MSRA: variants seen among roughly 807,000 people sequenced by gnomAD.
MSRA encodes methionine sulfoxide reductase A, also known as mitochondrial peptide methionine sulfoxide reductase.
MSRA carries 54 observed loss-of-function variants against 31.3 expected under a neutral mutation model. The observed-to-expected ratio is 1.73, with a 90% CI of 1.39 to 2.17. MSRA has a LOEUF of 2.17. MSRA is among the 30% of genes most tolerant of loss of function. The probability of loss-of-function intolerance (pLI) is 0.00; values close to 1 mark genes in which losing one functional copy is unlikely to be tolerated. For missense variants in MSRA, 507 were observed against 300.9 expected (o/e 1.69, Z -5.07); for synonymous variants, 169 against 116.5 (o/e 1.45, Z -2.90).
intron 1 of MSRA, among the ~76,000 whole-genome samples, chr8:10,207,407 C>T (rs759917977): frequency 1.3e-5 from 2 of 152,224 alleles, no homozygotes; most frequent in South Asian, 4.1e-4. Flanking sequence ...CTTTTTACTT[C>T]TCACTTTAAA....
At chr8:10,138,344 G>A (rs376452421) in intron 1 of MSRA, among the ~76,000 whole-genome samples, 12 of 152,266 alleles carry the variant, frequency 7.9e-5, no homozygotes, top group African/African-American at 2.6e-4. Context: ...CGCGGGACAC[G>A]GTGTGGATGT....
chr8:10,239,285 A>T (rs1331699601), intron 2 of MSRA, among the ~76,000 whole-genome samples: 1 of 151,906 alleles, frequency 6.6e-6, no homozygotes, highest in African/African-American at 2.4e-5. Flanking sequence ...CCTCAGCCTC[A>T]TGAGTAGCTG....
chr8:10,234,970 C>T (rs867713375), intron 2 of MSRA, among the ~76,000 whole-genome samples: 29 of 151,984 alleles, frequency 1.9e-4, no homozygotes, highest in African/African-American at 5.1e-4. Flanking sequence ...TTCACAATCA[C>T]AGGAGGAAAT....
chr8:10,264,694 G>C (rs147811913), intron 3 of MSRA, among the ~76,000 whole-genome samples: 102 of 152,326 alleles, frequency 6.7e-4, no homozygotes, highest in African/African-American at 2.3e-3. Context: ...GCCTTCTGGT[G>C]CACGTGGTCA....
chr8:10,368,714 T>C (rs537423816), intron 5 of MSRA, among the ~76,000 whole-genome samples: 97 of 152,368 alleles, frequency 6.4e-4, no homozygotes, highest in Non-Finnish European at 1.1e-3. Flanking sequence ...TATCTGATCC[T>C]GAGTTAAAGG....
chr8:10,292,259 A>G (rs1302809147), intron 3 of MSRA, among the ~76,000 whole-genome samples: 1 of 152,124 alleles, frequency 6.6e-6, no homozygotes, highest in Admixed American at 6.5e-5. Context: ...CCCCGTCCGG[A>G]TGAAGGATAA....
chr8:10,226,402 T>A (rs532952275), intron 2 of MSRA, among the ~76,000 whole-genome samples: 39 of 152,174 alleles, frequency 2.6e-4, no homozygotes, highest in Non-Finnish European at 4.9e-4. Context: ...TTTGGGGACC[T>A]TTCATGAAGA....
intron 1 of MSRA, among the ~76,000 whole-genome samples, chr8:10,058,543 C>T (rs1279488300): frequency 3.3e-5 from 5 of 151,920 alleles, no homozygotes; most frequent in African/African-American, 1.2e-4. Flanking sequence ...TACCTCCTCT[C>T]AAAGCATTGT....
chr8:10,291,597 T>C (rs1033467754), intron 3 of MSRA, among the ~76,000 whole-genome samples: 3 of 152,142 alleles, frequency 2.0e-5, no homozygotes, highest in African/African-American at 7.2e-5. Context: ...CTTACCTCTT[T>C]GTAGTTAATT....
intron 3 of MSRA, among the ~76,000 whole-genome samples, chr8:10,281,220 T>A (rs1799606791): frequency 6.6e-6 from 1 of 152,236 alleles, no homozygotes. Flanking sequence ...AAATCACCAA[T>A]AAATTATGAT....
At chr8:10,409,432 G>A (rs1808022954) in intron 5 of MSRA, among the ~76,000 whole-genome samples, 1 of 152,198 alleles carries the variant, frequency 6.6e-6, no homozygotes, top group Non-Finnish European at 1.5e-5. Flanking sequence ...ACGGGGACAT[G>A]GAATTCTTTT....
intron 3 of MSRA, among the ~76,000 whole-genome samples, chr8:10,273,424 G>A (rs1799148950): frequency 6.6e-6 from 1 of 152,038 alleles, no homozygotes. Context: ...ATCTGATTTT[G>A]CTGTGCTGTA....
chr8:10,254,568 C>A (rs1294550180), intron 3 of MSRA, among the ~76,000 whole-genome samples: 1 of 152,216 alleles, frequency 6.6e-6, no homozygotes, highest in Non-Finnish European at 1.5e-5. Flanking sequence ...CTACTAATCT[C>A]TGTCACAGTC....
intron 3 of MSRA, among the ~76,000 whole-genome samples, chr8:10,263,648 G>A (rs569670510): frequency 1.3e-5 from 2 of 152,046 alleles, no homozygotes; most frequent in Non-Finnish European, 1.5e-5. Flanking sequence ...TTCATGGCTG[G>A]CCCCTTGAGG....
In MSRA at chr8:10,166,979, TGA is replaced by T. The variant is rs201966061; in HGVS notation, c.143-40851_143-40850del. 6.2e-4 allele frequency among the ~76,000 whole-genome samples: 95 copies of T among 152,260 alleles called. 2 individuals are homozygous for T. The East Asian group carries it at 0.017, about 28-fold the overall frequency. On this transcript the variant is annotated intron_variant, in intron 1 of 5. Transcript: ENST00000317173. Reference sequence around the variant, plus strand: ...CAACTGGCTGTATTCACCCAACCTATGAGAAGAGGATGAGGTGACATGGAGAA... The same window carrying T: ...CAACTGGCTGTATTCACCCAACCTATGAAGAGGATGAGGTGACATGGAGAA...
chr8:10,307,914 G>A (rs1054509592), intron 4 of MSRA, among the ~76,000 whole-genome samples: 8 of 152,210 alleles, frequency 5.3e-5, no homozygotes, highest in African/African-American at 1.9e-4. Flanking sequence ...ATGGCCACAT[G>A]TCTAAATTCT....
intron 3 of MSRA, among the ~76,000 whole-genome samples, chr8:10,272,663 C>T (rs1056639621): frequency 6.6e-6 from 1 of 152,210 alleles, no homozygotes; most frequent in Non-Finnish European, 1.5e-5. Flanking sequence ...AACCCTCACT[C>T]TTACTCGCGC....
intron 5 of MSRA, among the ~76,000 whole-genome samples, chr8:10,350,886 G>A (rs1804088944): frequency 6.6e-6 from 1 of 152,238 alleles, no homozygotes; most frequent in South Asian, 2.1e-4. Context: ...TCAGGGAGGG[G>A]AAGTGGCAAG....
At chr8:10,355,482 C>A (rs1013133067) in intron 5 of MSRA, among the ~76,000 whole-genome samples, 1 of 152,096 alleles carries the variant, frequency 6.6e-6, no homozygotes, top group Non-Finnish European at 1.5e-5. Flanking sequence ...TTCTGAGACA[C>A]GTGTAAGGAA....
Sources: gnomAD v4.1 joint callset for allele counts (sites outside exome capture counted in the v4.1 genomes callset) on GRCh38, gnomAD v4.1.1 for gene constraint, MANE v1.5 for transcripts, NCBI Gene and HGNC (gene_info 2026-07-23, HGNC 2026-07-21) for gene names.